The following MYOF variants were observed in gnomAD, a reference collection of about 807,000 sequenced individuals.
MYOF encodes the protein fer-1-like 3, myoferlin.
Under a neutral mutation model 284.2 loss-of-function variants are expected in MYOF, and 244 were observed. The observed-to-expected ratio is 0.86, with a 90% CI of 0.77 to 0.95. The LOEUF is 0.95. Ranked by LOEUF, MYOF falls within the 40% of genes least tolerant of loss-of-function variation. The pLI is 0.00. For missense variants in MYOF, 2,496 were observed against 2,560.6 expected (o/e 0.97, Z 0.54); for synonymous variants, 904 against 919.7 (o/e 0.98, Z 0.31).
At position 93,361,513 on chromosome 10, in the gene MYOF, T is replaced by C. The variant is rs760165067; in HGVS notation, c.2913A>G (p.Pro971=). ...AASPSELTCP[P]GWEWEDDAWS... Reference sequence around the variant, plus strand: ...ATGCATCATCTTCCCATTCCCAACCTGGAGGACAAGTCAACTCGCTGGGTG... The same window carrying C: ...ATGCATCATCTTCCCATTCCCAACCCGGAGGACAAGTCAACTCGCTGGGTG... The change falls in exon 28 of 54, where the codon CCA becomes CCG. Residue 971 remains proline, a synonymous_variant. Coordinates refer to ENST00000359263, the MANE Select transcript of MYOF (RefSeq NM_013451.4). The C allele has an allele frequency of 5.0e-6, 8 of 1,614,232 alleles. No individual in the cohort carries two copies. In the Admixed American group the frequency reaches 1.2e-4, roughly 24 times the overall value.
intron 41 of MYOF, among the ~76,000 whole-genome samples, chr10:93,335,311 G>A (rs572415605): frequency 6.6e-6 from 1 of 152,276 alleles, no homozygotes; most frequent in East Asian, 1.9e-4. Flanking sequence ...GTGAGGGGGA[G>A]GGAGGCAGGG....
chr10:93,478,575 A>G (rs571361900), intron 1 of MYOF, among the ~76,000 whole-genome samples: 181 of 152,088 alleles, frequency 1.2e-3, no homozygotes, highest in Middle Eastern at 3.4e-3. Flanking sequence ...TCATACCTGT[A>G]ATCCCAATAC....
chr10:93,397,317 G>A (rs1246657421), intron 14 of MYOF, 27 bp from the exon 15 acceptor site: 2 of 1,592,434 alleles, frequency 1.3e-6, no homozygotes, highest in Admixed American at 1.7e-5. Flanking sequence ...GAAAAAAGTA[G>A]TTATTTCTCA....
intron 53 of MYOF, among the ~76,000 whole-genome samples, chr10:93,308,450 T>TGGCA (rs1015362601): frequency 1.3e-5 from 2 of 150,452 alleles, no homozygotes; most frequent in Non-Finnish European, 3.0e-5. Flanking sequence ...CAGGGTGTGG[T>TGGCA]GGCAGGCACC....
At chr10:93,334,007 G>C (rs1053632671) in intron 41 of MYOF, 94 bp from the exon 42 acceptor site, 39 of 1,246,482 alleles carry the variant, frequency 3.1e-5, no homozygotes, top group Admixed American at 5.3e-5. Context: ...GTGTGGGATT[G>C]AAGGATGGAA....
At chr10:93,427,207 C>CA (rs1347063647) in intron 4 of MYOF, among the ~76,000 whole-genome samples, 20 of 134,454 alleles carry the variant, frequency 1.5e-4, no homozygotes, top group African/African-American at 6.2e-4. Flanking sequence ...TAAAACAAAA[C>CA]AAAACAAAAC....
At chr10:93,404,980 C>CT (rs1292073224) in intron 7 of MYOF, among the ~76,000 whole-genome samples, 7 of 152,188 alleles carry the variant, frequency 4.6e-5, no homozygotes, top group African/African-American at 1.7e-4. Flanking sequence ...AGATTGAACA[C>CT]TTACTCCAAC....
At chr10:93,442,887 G>A (rs1368436790) in intron 3 of MYOF, among the ~76,000 whole-genome samples, 2 of 152,186 alleles carry the variant, frequency 1.3e-5, no homozygotes, top group Admixed American at 6.5e-5. Flanking sequence ...AGCGGGGCAC[G>A]GTGGCTTATG....
At chr10:93,369,862 T>C in intron 24 of MYOF, 86 bp from the exon 25 acceptor site, 1 of 1,518,718 alleles carries the variant, frequency 6.6e-7, no homozygotes, top group Non-Finnish European at 9.0e-7. Flanking sequence ...AGAGGGAACA[T>C]CTAATCATTG....
rs748134478 is a variant in MYOF, at chr10:93,325,898, C to A, written c.5199G>T (p.Arg1733Ser). 1 of 1,614,052 alleles carries A rather than the reference C, an allele frequency of 6.2e-7. No homozygotes were observed. The highest frequency in any genetic ancestry group is 8.5e-7 in the Non-Finnish European group (1 of 1,180,008). ...CGTGCTCAGGGACCAGCCCCTGAGT[C>A]CTGAGGATGTGAAGAGCAAGCCGCT... is the stretch of plus-strand genomic sequence containing the variant. ...PEERLALHIL[R>S]TQGLVPEHVE... The change falls in exon 46 of 54, where the codon AGG becomes AGT. Residue 1733 changes from arginine to serine, a missense_variant. Physicochemically the swap from Arg to Ser is moderately radical, Grantham distance 110. Coordinates refer to ENST00000359263, the MANE Select transcript of MYOF (RefSeq NM_013451.4).
intron 3 of MYOF, among the ~76,000 whole-genome samples, chr10:93,434,844 G>C (rs1235321160): frequency 2.0e-5 from 3 of 151,422 alleles, no homozygotes; most frequent in African/African-American, 7.3e-5. Context: ...TTTTATTCCC[G>C]TGACATACTG....
chr10:93,369,111 T>TTTTTTTC (rs1564655886), intron 25 of MYOF, among the ~76,000 whole-genome samples: 1 of 25,072 alleles, frequency 4.0e-5, no homozygotes, highest in Non-Finnish European at 1.6e-4. Context: ...TTCAGACAGC[T>TTTTTTTC]TTTTTTTTTT....
intron 19 of MYOF, among the ~76,000 whole-genome samples, chr10:93,385,389 A>T (rs1030597000): frequency 2.0e-5 from 3 of 152,130 alleles, no homozygotes; most frequent in Non-Finnish European, 4.4e-5. Context: ...CTTTAGAAAG[A>T]TGGGGAGCAC....
intron 34 of MYOF, 53 bp from the exon 35 acceptor site, chr10:93,351,348 T>G (rs1589430019): frequency 1.2e-6 from 2 of 1,608,906 alleles, no homozygotes; most frequent in East Asian, 4.5e-5. Context: ...AAGCAAACAG[T>G]GCCTAGAATT....
At position 93,482,241 on chromosome 10, in the gene MYOF, TAGGGCG is replaced by T; in HGVS notation, c.-53_-48del. 6.6e-7 allele frequency: 1 copy of T among 1,525,130 alleles called. No individual in the cohort carries two copies. Among genetic ancestry groups the T allele is most frequent in the South Asian group, 1.1e-5 (1 of 87,662 alleles). The allele number at this position is 1,525,130 out of a possible 1,614,324, so 94.5% of individuals were successfully genotyped here. A position where few individuals can be genotyped will look rare whatever the true frequency, so the allele number is the denominator to read the frequency against. ...AAGTTTCAGCAAACGAAGTGGAGACTAGGGCGCTGGAGCTCCGGGTCGCACCGCCCT... is the reference window on the plus strand; with the variant it reads ...AAGTTTCAGCAAACGAAGTGGAGACTCTGGAGCTCCGGGTCGCACCGCCCT... On this transcript the variant is annotated 5_prime_UTR_variant, in exon 1 of 54. Coordinates refer to ENST00000359263, the MANE Select transcript of MYOF (RefSeq NM_013451.4).
At chr10:93,361,410 C>G in intron 28 of MYOF, 42 bp downstream of exon 28, 2 of 1,591,810 alleles carry the variant, frequency 1.3e-6, no homozygotes, top group Non-Finnish European at 1.7e-6. Flanking sequence ...AACCAAGGCC[C>G]TGCTGCAGAG....
chr10:93,477,308 A>G (rs1343039134), intron 1 of MYOF, among the ~76,000 whole-genome samples: 2 of 151,824 alleles, frequency 1.3e-5, no homozygotes, highest in Non-Finnish European at 2.9e-5. Flanking sequence ...CCTGGCCAAC[A>G]TGGTGAAACC....
intron 40 of MYOF, among the ~76,000 whole-genome samples, chr10:93,337,207 CT>C (rs1843656937): frequency 8.2e-6 from 1 of 122,302 alleles, no homozygotes; most frequent in Non-Finnish European, 1.7e-5. Flanking sequence ...GTTTTTTTTT[CT>C]CATATACACT....
At chr10:93,448,021 C>T (rs1355183944) in intron 3 of MYOF, among the ~76,000 whole-genome samples, 4 of 152,108 alleles carry the variant, frequency 2.6e-5, no homozygotes, top group Non-Finnish European at 5.9e-5. Flanking sequence ...ATCCAAAGCC[C>T]GTGCCTTGGC....
Sources: gnomAD v4.1 joint callset for allele counts (sites outside exome capture counted in the v4.1 genomes callset) on GRCh38, gnomAD v4.1.1 for gene constraint, MANE v1.5 for transcripts, NCBI Gene and HGNC (gene_info 2026-07-23, HGNC 2026-07-21) for gene names.